CNTN5: variants seen among roughly 807,000 people sequenced by gnomAD.
CNTN5 encodes contactin-5.
Under a neutral mutation model 129.1 loss-of-function variants are expected in CNTN5, and 77 were observed. The observed-to-expected ratio is 0.60, with a 90% CI of 0.50 to 0.72. The LOEUF is 0.72. Ranked by LOEUF, CNTN5 falls within the 30% of genes least tolerant of loss-of-function variation. The pLI is 0.00. For missense variants in CNTN5, 1,478 were observed against 1,328.8 expected, an observed-to-expected ratio of 1.11 and a Z score of -1.75; for synonymous variants, 509 against 465.6, an observed-to-expected ratio of 1.09 and a Z score of -1.20.
At chr11:100,276,336 T>A (rs1001385398) in intron 18 of CNTN5, among the ~76,000 whole-genome samples, 1 of 151,986 alleles carries the variant, frequency 6.6e-6, no homozygotes, top group African/African-American at 2.4e-5. Flanking sequence ...GCCCAGGAAT[T>A]CAAGACCAGC....
intron 9 of CNTN5, among the ~76,000 whole-genome samples, chr11:100,054,251 C>T (rs547928719): frequency 6.6e-6 from 1 of 151,706 alleles, no homozygotes; most frequent in South Asian, 2.1e-4. Context: ...GGTTAAGAGA[C>T]TCCATTTTCT....
At chr11:99,490,302 T>A (rs189552193) in intron 2 of CNTN5, among the ~76,000 whole-genome samples, 59 of 152,318 alleles carry the variant, frequency 3.9e-4, no homozygotes, top group African/African-American at 1.3e-3. Flanking sequence ...CATTAAGTTA[T>A]TACATAATTT....
intron 1 of CNTN5, among the ~76,000 whole-genome samples, chr11:99,189,373 C>T (rs12363145): frequency 0.21 from 31,995 of 151,376 alleles, 3,472 homozygotes; most frequent in Middle Eastern, 0.26. Context: ...GATATGTCTT[C>T]AACATAATGA....
chr11:99,374,063 A>T (rs1940002886), intron 2 of CNTN5, among the ~76,000 whole-genome samples: 1 of 152,200 alleles, frequency 6.6e-6, no homozygotes, highest in African/African-American at 2.4e-5. Flanking sequence ...GAAACATTTC[A>T]CTGTTTTTCA....
At chr11:99,663,177 AAAAG>A (rs1952658887) in intron 3 of CNTN5, among the ~76,000 whole-genome samples, 1 of 152,142 alleles carries the variant, frequency 6.6e-6, no homozygotes, top group Admixed American at 6.6e-5. Flanking sequence ...TTGCATTAAG[AAAAG>A]AAATAGGCAG....
chr11:99,664,193 C>A (rs73551447), intron 3 of CNTN5, among the ~76,000 whole-genome samples: 1 of 152,168 alleles, frequency 6.6e-6, no homozygotes, highest in African/African-American at 2.4e-5. Flanking sequence ...ACAAATGGCT[C>A]CAGGAGTTTT....
At chr11:100,008,862 A>G (rs1940345254) in intron 9 of CNTN5, among the ~76,000 whole-genome samples, 1 of 152,094 alleles carries the variant, frequency 6.6e-6, no homozygotes, top group Non-Finnish European at 1.5e-5. Flanking sequence ...AGAATCATAC[A>G]TTCAAACCGT....
At chr11:100,333,486 A>C (rs1317772383) in intron 21 of CNTN5, among the ~76,000 whole-genome samples, 2 of 151,918 alleles carry the variant, frequency 1.3e-5, no homozygotes, top group Non-Finnish European at 2.9e-5. Flanking sequence ...AAGCAAGACT[A>C]AGCAACAAGA....
At chr11:100,221,114 C>T (rs1287100119) in intron 15 of CNTN5, among the ~76,000 whole-genome samples, 1 of 152,026 alleles carries the variant, frequency 6.6e-6, no homozygotes, top group Non-Finnish European at 1.5e-5. Flanking sequence ...GCTAAGGAAG[C>T]CTAGGGAGAG....
At chr11:99,354,255 A>T (rs1199382851) in intron 2 of CNTN5, among the ~76,000 whole-genome samples, 2 of 152,204 alleles carry the variant, frequency 1.3e-5, no homozygotes, top group East Asian at 3.9e-4. Context: ...GATAAATCAC[A>T]TGCTATTTAA....
chr11:100,320,614 A>T (rs963512116), intron 21 of CNTN5, among the ~76,000 whole-genome samples: 7 of 151,854 alleles, frequency 4.6e-5, no homozygotes, highest in African/African-American at 1.5e-4. Context: ...TTTGGGTCAT[A>T]TCCAAAAACT....
chr11:99,752,925 G>C (rs1448239522), intron 3 of CNTN5, among the ~76,000 whole-genome samples: 1 of 152,094 alleles, frequency 6.6e-6, no homozygotes, highest in Non-Finnish European at 1.5e-5. Flanking sequence ...TCCAAGAAAT[G>C]AAGAGAGTCT....
intron 23 of CNTN5, among the ~76,000 whole-genome samples, chr11:100,349,164 T>C (rs1339197864): frequency 6.6e-6 from 1 of 151,690 alleles, no homozygotes; most frequent in African/African-American, 2.4e-5. Context: ...GAAAGTGAAA[T>C]GGAGGGAGCA....
intron 3 of CNTN5, among the ~76,000 whole-genome samples, chr11:99,681,548 TA>T (rs1414779384): frequency 6.6e-6 from 1 of 152,062 alleles, no homozygotes; most frequent in African/African-American, 2.4e-5. Flanking sequence ...ATTTTTTAAT[TA>T]AGGTATTTAC....
chr11:100,345,026 G>A (rs1362226661), intron 23 of CNTN5, among the ~76,000 whole-genome samples: 1 of 152,092 alleles, frequency 6.6e-6, no homozygotes, highest in Non-Finnish European at 1.5e-5. Context: ...AATAGCACAA[G>A]ATAAAACAGC....
chr11:100,136,867 C>T (rs1946543227), intron 13 of CNTN5, among the ~76,000 whole-genome samples: 1 of 151,490 alleles, frequency 6.6e-6, no homozygotes. Context: ...TTTATTTCAC[C>T]TTTCTTATTT....
intron 9 of CNTN5, among the ~76,000 whole-genome samples, chr11:100,017,868 C>A (rs1320142873): frequency 6.6e-6 from 1 of 151,910 alleles, no homozygotes; most frequent in African/African-American, 2.4e-5. Flanking sequence ...CCTGCATTAT[C>A]TTTAGTCTGT....
chr11:100,328,820 C>T (rs1041996538), intron 21 of CNTN5, among the ~76,000 whole-genome samples: 3 of 152,170 alleles, frequency 2.0e-5, no homozygotes, highest in Non-Finnish European at 4.4e-5. Context: ...GCAGAACTAG[C>T]TTGCAGCTCC....
intron 3 of CNTN5, among the ~76,000 whole-genome samples, chr11:99,633,283 C>T (rs957687386): frequency 2.6e-5 from 4 of 152,120 alleles, no homozygotes; most frequent in Non-Finnish European, 4.4e-5. Context: ...TTTAAACTGA[C>T]GCATACAGGC....
Sources: allele counts gnomAD v4.1 joint callset (sites outside exome capture counted in the v4.1 genomes callset), GRCh38; gene constraint gnomAD v4.1.1; transcripts MANE v1.5; gene names NCBI Gene and HGNC (gene_info 2026-07-23, HGNC 2026-07-21).